The following EPB41L4B variants were observed in gnomAD, a reference collection of about 807,000 sequenced individuals.
The protein encoded by EPB41L4B is erythrocyte membrane protein band 4.1 like 4B.
In EPB41L4B, 30 loss-of-function variants were observed where a neutral mutation model predicts 112.5. The ratio of observed to expected loss-of-function variants is 0.27; its 90% CI spans 0.20 to 0.36. The LOEUF (loss-of-function observed/expected upper bound fraction) is 0.36, where lower values mean the gene tolerates loss of function less well. Ranked by LOEUF, EPB41L4B falls within the 10% of genes least tolerant of loss-of-function variation. EPB41L4B has a pLI of 1.00. For missense variants in EPB41L4B, 1,024 were observed against 1,133.3 expected (o/e 0.90, Z 1.38); for synonymous variants, 408 against 439.7 (o/e 0.93, Z 0.90).
At chr9:109,289,859 T>C (rs1419802062) in intron 1 of EPB41L4B, among the ~76,000 whole-genome samples, 1 of 152,260 alleles carries the variant, frequency 6.6e-6, no homozygotes, top group African/African-American at 2.4e-5. Flanking sequence ...TCCAACTAAA[T>C]TGCATCCTAT....
chr9:109,177,649 C>A (rs1453829589), intron 24 of EPB41L4B, among the ~76,000 whole-genome samples: 1 of 151,740 alleles, frequency 6.6e-6, no homozygotes, highest in Non-Finnish European at 1.5e-5. Flanking sequence ...TGGCAAAACC[C>A]CATCTCTACT....
intron 1 of EPB41L4B, chr9:109,307,268 C>T: frequency 2.0e-6 from 1 of 491,554 alleles, no homozygotes; most frequent in South Asian, 1.5e-5. Flanking sequence ...AGAGGAACTT[C>T]ATCGCTTTTA....
At chr9:109,246,365 GC>G (rs1462693413) in intron 14 of EPB41L4B, among the ~76,000 whole-genome samples, 6 of 152,210 alleles carry the variant, frequency 3.9e-5, no homozygotes, top group African/African-American at 1.4e-4. Context: ...TCACTATGTT[GC>G]CCAGACCGGT....
chr9:109,207,766 A>T (rs7874957), intron 18 of EPB41L4B, among the ~76,000 whole-genome samples, 158 bp downstream of exon 18: 79,170 of 151,848 alleles, frequency 0.52, 21,073 homozygotes, highest in African/African-American at 0.6. Flanking sequence ...AATTAAAATC[A>T]TGGTTCACAT....
At position 109,217,114 on chromosome 9, in the gene EPB41L4B, A is replaced by G. The variant is rs776099996; in HGVS notation, c.1441T>C (p.Ser481Pro). The G allele has an allele frequency of 6.2e-7, 1 of 1,614,134 alleles. No homozygotes were observed. The change falls in exon 16 of 26, where the codon TCG (serine) becomes CCG (proline). Residue 481 changes from serine (S) to proline (P), a missense_variant. Transcript: ENST00000374566. ...YPLPSPVLSSSDRLPFGIEEN... is the reference protein window; with the variant it reads ...YPLPSPVLSSPDRLPFGIEEN... ...TCAATGCCAAAAGGCAACCGGTCCG[A>G]GCTGCTAAGCACTGGGGAAGGGAGC...
intron 1 of EPB41L4B, among the ~76,000 whole-genome samples, chr9:109,312,593 C>T (rs1837458667): frequency 6.6e-6 from 1 of 152,096 alleles, no homozygotes; most frequent in East Asian, 1.9e-4. Flanking sequence ...AGCTATGTGA[C>T]CTTGGACAAG....
intron 18 of EPB41L4B, 131 bp from the exon 19 acceptor site, chr9:109,203,861 A>C: frequency 1.4e-6 from 1 of 704,770 alleles, no homozygotes; most frequent in Non-Finnish European, 2.5e-6. Flanking sequence ...CCAAGTACTC[A>C]ATCAATAGAG....
chr9:109,217,298 A>G (rs1035820879), intron 15 of EPB41L4B, among the ~76,000 whole-genome samples, 153 bp from the exon 16 acceptor site: 1 of 152,260 alleles, frequency 6.6e-6, no homozygotes, highest in Admixed American at 6.5e-5. Context: ...CAATGGTAAT[A>G]TTATACTTAA....
At chr9:109,273,720 T>C (rs995844363) in intron 2 of EPB41L4B, among the ~76,000 whole-genome samples, 2 of 152,002 alleles carry the variant, frequency 1.3e-5, no homozygotes, top group African/African-American at 4.8e-5. Flanking sequence ...TTTCAGCCCC[T>C]GTGAACAGAA....
chr9:109,232,480 C>A (rs372482094), intron 15 of EPB41L4B, among the ~76,000 whole-genome samples: 1 of 152,134 alleles, frequency 6.6e-6, no homozygotes, highest in East Asian at 1.9e-4. Flanking sequence ...ATCATTGTCA[C>A]GAAAGCTCAG....
At chr9:109,201,105 A>C (rs1306408685) in intron 19 of EPB41L4B, among the ~76,000 whole-genome samples, 1 of 152,202 alleles carries the variant, frequency 6.6e-6, no homozygotes, top group Non-Finnish European at 1.5e-5. Flanking sequence ...GTCAACTGAC[A>C]CTTTTGGGTC....
chr9:109,290,038 C>T (rs377754249), intron 1 of EPB41L4B, among the ~76,000 whole-genome samples: 4 of 152,288 alleles, frequency 2.6e-5, no homozygotes, highest in Non-Finnish European at 5.9e-5. Context: ...CAGTACCTAA[C>T]GGCACCTGTC....
chr9:109,318,548 T>C (rs1837720184), intron 1 of EPB41L4B, among the ~76,000 whole-genome samples: 1 of 152,106 alleles, frequency 6.6e-6, no homozygotes, highest in Non-Finnish European at 1.5e-5. Context: ...TTCCCAAGGA[T>C]AGCATTCCTT....
intron 15 of EPB41L4B, among the ~76,000 whole-genome samples, chr9:109,237,645 A>G (rs1024856413): frequency 1.3e-5 from 2 of 152,054 alleles, no homozygotes; most frequent in African/African-American, 4.8e-5. Context: ...AGGGGTGGTA[A>G]GGTGTGGAGA....
At chr9:109,227,316 T>C (rs964295340) in intron 15 of EPB41L4B, among the ~76,000 whole-genome samples, 2 of 152,180 alleles carry the variant, frequency 1.3e-5, no homozygotes, top group South Asian at 2.1e-4. Context: ...CCTTTTGTGA[T>C]AGTAACTTGA....
chr9:109,307,290 A>T (rs778675710), intron 1 of EPB41L4B: 1 of 478,310 alleles, frequency 2.1e-6, no homozygotes, highest in Non-Finnish European at 4.1e-6. Context: ...AATAAAGCTA[A>T]ATACCTCTGG....
chr9:109,307,143 G>A (rs1185074160), intron 1 of EPB41L4B: 1 of 384,370 alleles, frequency 2.6e-6, no homozygotes, highest in African/African-American at 2.1e-5. Context: ...ATTCCCTGAA[G>A]CGAGTTAATA....
intron 2 of EPB41L4B, among the ~76,000 whole-genome samples, chr9:109,275,710 G>A (rs1182751321): frequency 3.9e-5 from 6 of 152,130 alleles, no homozygotes; most frequent in Admixed American, 3.9e-4. Context: ...TGAAACAGAT[G>A]TTATTACACT....
chr9:109,318,150 CGT>C (rs3983533), intron 1 of EPB41L4B, among the ~76,000 whole-genome samples: 56,266 of 149,346 alleles, frequency 0.38, 12,051 homozygotes, highest in Non-Finnish European at 0.48. Context: ...GGGGCATATA[CGT>C]GTGTGTGTGT....
Sources: gnomAD v4.1 joint callset for allele counts (sites outside exome capture counted in the v4.1 genomes callset) on GRCh38, gnomAD v4.1.1 for gene constraint, MANE v1.5 for transcripts, NCBI Gene and HGNC (gene_info 2026-07-23, HGNC 2026-07-21) for gene names.